SYCP1: variants seen among roughly 807,000 people sequenced by gnomAD.
The protein encoded by SYCP1 is synaptonemal complex protein 1.
Under a neutral mutation model 153.1 loss-of-function variants are expected in SYCP1, and 64 were observed. The observed-to-expected ratio is 0.42, with a 90% CI of 0.34 to 0.51. The LOEUF (loss-of-function observed/expected upper bound fraction) is 0.51. SYCP1 is among the 20% of genes least tolerant of loss of function. The pLI is 0.06. For missense variants in SYCP1, 997 were observed against 1,049.0 expected (o/e 0.95, Z 0.68); for synonymous variants, 384 against 341.8 (o/e 1.12, Z -1.36).
At chr1:114,860,181 T>C (rs1664278393) in intron 7 of SYCP1, among the ~76,000 whole-genome samples, 1 of 152,180 alleles carries the variant, frequency 6.6e-6, no homozygotes. Flanking sequence ...CTTACTCAAA[T>C]TCCTGTTTTT....
intron 9 of SYCP1, among the ~76,000 whole-genome samples, chr1:114,875,246 T>C (rs1665429450): frequency 1.3e-5 from 2 of 150,402 alleles, no homozygotes; most frequent in South Asian, 4.2e-4. Flanking sequence ...TCCAGTAGGG[T>C]AGAGACTTTG....
At position 114,914,055 on chromosome 1, in the gene SYCP1, A is replaced by G. The variant is rs201531811; in HGVS notation, c.1718+10A>G. 13 of 1,536,232 alleles carry G rather than the reference A, an allele frequency of 8.5e-6. No individual in the cohort carries two copies. Among genetic ancestry groups the G allele is most frequent in the Non-Finnish European group, 9.6e-6 (11 of 1,145,852 alleles). On this transcript the variant is annotated intron_variant, in intron 20 of 31. Transcript: ENST00000369522. Reference sequence around the variant, plus strand: ...CAGAAACCCAATTAAGGCAAGACTAACAAATTGGCCTTTTTTTGTCTGGCA... The same window carrying G: ...CAGAAACCCAATTAAGGCAAGACTAGCAAATTGGCCTTTTTTTGTCTGGCA...
intron 27 of SYCP1, among the ~76,000 whole-genome samples, chr1:114,950,383 T>C (rs1032639808): frequency 1.3e-5 from 2 of 152,330 alleles, no homozygotes; most frequent in South Asian, 2.1e-4. Flanking sequence ...TCTAAGCTCA[T>C]TGATATAAGG....
At chr1:114,933,038 AAG>A (rs1669745862) in intron 23 of SYCP1, among the ~76,000 whole-genome samples, 1 of 152,186 alleles carries the variant, frequency 6.6e-6, no homozygotes, top group African/African-American at 2.4e-5. Flanking sequence ...GACAGCTTTG[AAG>A]AGAGTAGTGG....
intron 26 of SYCP1, among the ~76,000 whole-genome samples, chr1:114,946,775 T>C (rs1237031411): frequency 6.6e-6 from 1 of 152,144 alleles, no homozygotes; most frequent in Non-Finnish European, 1.5e-5. Flanking sequence ...AGTCTTTCTG[T>C]GTCCCCCAGG....
intron 16 of SYCP1, among the ~76,000 whole-genome samples, chr1:114,907,767 G>A (rs1667912400): frequency 6.6e-6 from 1 of 151,918 alleles, no homozygotes; most frequent in African/African-American, 2.4e-5. Context: ...ATTTTTAGTA[G>A]AGATGGGGTT....
At position 114,956,973 on chromosome 1, in the gene SYCP1, CA is replaced by C. The variant is rs1306701663; in HGVS notation, c.2322+9657del. ...GGGAAATATAACCTCACCAAACAGACAAAATAAGGTGCCAGAGACTGACCCT... is the reference window on the plus strand; with the variant it reads ...GGGAAATATAACCTCACCAAACAGACAAATAAGGTGCCAGAGACTGACCCT... On this transcript the variant is annotated intron_variant, in intron 27 of 31. Coordinates refer to ENST00000369522, the MANE Select transcript of SYCP1 (RefSeq NM_003176.4). Among the ~76,000 whole-genome samples the C allele has an allele frequency of 3.9e-5, 6 of 152,272 alleles. No homozygotes were observed. The South Asian group carries it at 1.2e-3, about 32-fold the overall frequency.
Position 114,857,175 on chromosome 1 carries a change from A to G in SYCP1, c.194-57A>G, listed in dbSNP as rs1664048896. On this transcript the variant is annotated intron_variant, in intron 3 of 31. Transcript: ENST00000369522. ...AAAAAAAAGAGAAAAAAGAAAAAAAAAAAGAAAGAGAAAAAGATGTTGGCG... is the reference window on the plus strand; with the variant it reads ...AAAAAAAAGAGAAAAAAGAAAAAAAGAAAGAAAGAGAAAAAGATGTTGGCG... 1.5e-5 allele frequency: 20 copies of G among 1,353,296 alleles called. No individual in the cohort carries two copies. The South Asian group carries it at 2.7e-4, about 18-fold the overall frequency. The allele number at this position is 1,353,296 out of a possible 1,614,324, so 83.8% of individuals were successfully genotyped here.
chr1:114,887,823 A>G, intron 15 of SYCP1, 130 bp downstream of exon 15: 1 of 540,264 alleles, frequency 1.9e-6, no homozygotes, highest in Non-Finnish European at 3.0e-6. Context: ...TAATATTTTT[A>G]TTTCAATATT....
At chr1:114,958,346 A>G (rs970394004) in intron 27 of SYCP1, among the ~76,000 whole-genome samples, 1 of 152,146 alleles carries the variant, frequency 6.6e-6, no homozygotes, top group African/African-American at 2.4e-5. Flanking sequence ...ATACAATTAG[A>G]TAAAAGATAT....
At chr1:114,855,357 C>A in intron 1 of SYCP1, 84 bp from the exon 2 acceptor site, 1 of 672,758 alleles carries the variant, frequency 1.5e-6, no homozygotes. Context: ...AGTTTGTAAA[C>A]ATCACTTTAA....
intron 20 of SYCP1, among the ~76,000 whole-genome samples, chr1:114,918,452 A>G (rs1260979269): frequency 6.6e-6 from 1 of 152,062 alleles, no homozygotes. Context: ...CTTTTTGCCC[A>G]GAATATCTTG....
intron 23 of SYCP1, among the ~76,000 whole-genome samples, chr1:114,934,597 T>G (rs1351881730): frequency 6.6e-6 from 1 of 152,108 alleles, no homozygotes; most frequent in African/African-American, 2.4e-5. Context: ...ATACTCCAAT[T>G]AAAAGATACA....
chr1:114,950,060 C>T (rs1670993728), intron 27 of SYCP1, among the ~76,000 whole-genome samples: 1 of 152,034 alleles, frequency 6.6e-6, no homozygotes, highest in Admixed American at 6.5e-5. Context: ...TATTAGGGTC[C>T]CTCCCAAAGG....
chr1:114,890,196 G>A (rs554064385), intron 15 of SYCP1, among the ~76,000 whole-genome samples: 35 of 152,094 alleles, frequency 2.3e-4, no homozygotes, highest in African/African-American at 7.7e-4. Flanking sequence ...TCTGATTATT[G>A]TTGGAGGAAG....
At chr1:114,923,712 T>A in intron 21 of SYCP1, 182 bp downstream of exon 21, 1 of 440,524 alleles carries the variant, frequency 2.3e-6, no homozygotes, top group Non-Finnish European at 3.6e-6. Flanking sequence ...TTGATATCTA[T>A]ATCTAGAAGA....
rs1253859251 is a variant in SYCP1, at chr1:114,994,749, C to T, written c.2755C>T (p.Pro919Ser). ...GAAAACACTGTATAGGAACAATAAT[C>T]CACCAGCTTCTCATCTTTGTGTCAA... Reference protein sequence around the residue: ...TLKTLYRNNNPPASHLCVKTP... With the variant: ...TLKTLYRNNNSPASHLCVKTP... Residue 919 changes from proline to serine, a missense_variant, in exon 31 of 32, where the codon CCA becomes TCA. Physicochemically the swap from Pro to Ser is moderately conservative, Grantham distance 74. This residue lies in a region of SYCP1 where 712 missense variants were observed against 682.9 expected (regional missense o/e 1.04). Transcript: ENST00000369522. 1.3e-6 allele frequency: 2 copies of T among 1,592,190 alleles called. No homozygotes were observed. Among genetic ancestry groups the T allele is most frequent in the Non-Finnish European group, 1.7e-6 (2 of 1,173,000 alleles).
chr1:114,969,603 A>G (rs1224354666), intron 27 of SYCP1, among the ~76,000 whole-genome samples: 1 of 152,178 alleles, frequency 6.6e-6, no homozygotes, highest in Non-Finnish European at 1.5e-5. Flanking sequence ...GGATCTACTG[A>G]GCAAGACTAC....
At chr1:114,930,416 C>T (rs533010707) in intron 23 of SYCP1, among the ~76,000 whole-genome samples, 1 of 151,722 alleles carries the variant, frequency 6.6e-6, no homozygotes, top group Non-Finnish European at 1.5e-5. Flanking sequence ...CCTAGCAGAA[C>T]TGACCACAAA....
Sources: gnomAD v4.1 joint callset for allele counts (sites outside exome capture counted in the v4.1 genomes callset) on GRCh38, gnomAD v4.1.1 for gene constraint, gnomAD v4.1.1 regional missense constraint, MANE v1.5 for transcripts, NCBI Gene and HGNC (gene_info 2026-07-23, HGNC 2026-07-21) for gene names.